Variants in NELL2 observed in about 807,000 individuals in gnomAD.
The protein encoded by NELL2 is neural EGFL like 2, also known as protein kinase C-binding protein NELL2.
In NELL2, 41 loss-of-function variants were observed where a neutral mutation model predicts 109.6. That is an observed-to-expected ratio of 0.37 (90% CI 0.29 to 0.49). The LOEUF (loss-of-function observed/expected upper bound fraction) is 0.49, where lower values mean the gene tolerates loss of function less well. Ranked by LOEUF, NELL2 falls within the 20% of genes least tolerant of loss-of-function variation. The pLI is 0.98. For missense variants in NELL2, 900 were observed against 1,008.3 expected (o/e 0.89, Z 1.45); for synonymous variants, 355 against 344.7 (o/e 1.03, Z -0.33).
chr12:44,581,000 C>T (rs904614718), intron 15 of NELL2, among the ~76,000 whole-genome samples: 3 of 152,060 alleles, frequency 2.0e-5, no homozygotes, highest in South Asian at 2.1e-4. Context: ...CATTTTGAGA[C>T]GAACTTTTTT....
chr12:44,865,474 T>C (rs1422388237), intron 2 of NELL2, among the ~76,000 whole-genome samples: 9 of 95,924 alleles, frequency 9.4e-5, no homozygotes, highest in African/African-American at 3.4e-4. Context: ...CATGGAATAC[T>C]ATGCAGCCAT....
At chr12:44,627,373 C>A (rs1946302427) in intron 13 of NELL2, among the ~76,000 whole-genome samples, 2 of 151,288 alleles carry the variant, frequency 1.3e-5, no homozygotes, top group South Asian at 4.2e-4. Flanking sequence ...AATCAAGAAT[C>A]TATTCTCATT....
At chr12:44,611,297 T>C (rs1444598903) in intron 13 of NELL2, among the ~76,000 whole-genome samples, 2 of 152,026 alleles carry the variant, frequency 1.3e-5, no homozygotes, top group African/African-American at 4.8e-5. Flanking sequence ...ATTTGGGGAG[T>C]TACTCTCATG....
intron 16 of NELL2, among the ~76,000 whole-genome samples, chr12:44,530,281 G>A (rs973269125): frequency 6.6e-6 from 1 of 152,180 alleles, no homozygotes; most frequent in Non-Finnish European, 1.5e-5. Context: ...AAGTAGGCAG[G>A]CCACTGACAG....
intron 9 of NELL2, among the ~76,000 whole-genome samples, chr12:44,720,815 G>C (rs1254004720): frequency 1.3e-5 from 2 of 152,292 alleles, no homozygotes; most frequent in Middle Eastern, 3.4e-3. Flanking sequence ...GTGAGATCTT[G>C]ATAGTAGTTA....
intron 3 of NELL2, among the ~76,000 whole-genome samples, chr12:44,787,686 G>A (rs1290860898): frequency 6.6e-6 from 1 of 151,786 alleles, no homozygotes; most frequent in Admixed American, 6.6e-5. Context: ...AAAGAGCAAA[G>A]GTAATCCAAT....
intron 15 of NELL2, among the ~76,000 whole-genome samples, chr12:44,562,758 G>A (rs2136184341): frequency 6.6e-6 from 1 of 152,336 alleles, no homozygotes; most frequent in East Asian, 1.9e-4. Flanking sequence ...AGGCCATGTG[G>A]CAATTCCTGA....
rs1195577041 is a variant in NELL2, at chr12:44,774,744, C to T, written c.994+3G>A. 3 of 1,609,138 alleles carry T rather than the reference C, an allele frequency of 1.9e-6. No individual in the cohort carries two copies. Among genetic ancestry groups the T allele is most frequent in the African/African-American group, 2.7e-5 (2 of 74,804 alleles). On this transcript the variant is annotated splice_donor_region_variant and intron_variant, in intron 9 of 19. Transcript: ENST00000429094. ...AAGTATTCATCATAAAAGTTATGCTCACATTTGCATTCCTTACAGCATTTG... is the reference window on the plus strand; with the variant it reads ...AAGTATTCATCATAAAAGTTATGCTTACATTTGCATTCCTTACAGCATTTG...
At chr12:44,872,334 C>T (rs1945187621) in intron 2 of NELL2, among the ~76,000 whole-genome samples, 1 of 152,080 alleles carries the variant, frequency 6.6e-6, no homozygotes, top group Non-Finnish European at 1.5e-5. Flanking sequence ...AAGGTGTAAT[C>T]TAATTTAGCA....
chr12:44,750,012 C>T (rs188092991), intron 9 of NELL2, among the ~76,000 whole-genome samples: 22 of 151,666 alleles, frequency 1.5e-4, no homozygotes, highest in Middle Eastern at 3.4e-3. Flanking sequence ...GTATATATAT[C>T]AAGATATATA....
chr12:44,823,140 T>C (rs1250256842), intron 2 of NELL2, among the ~76,000 whole-genome samples: 1 of 152,184 alleles, frequency 6.6e-6, no homozygotes, highest in Non-Finnish European at 1.5e-5. Flanking sequence ...CAAATTAAAA[T>C]TGTATATATT....
In NELL2 at chr12:44,514,609, T is replaced by C. The variant is rs58352888; in HGVS notation, c.2400+5396A>G. 4.3e-3 allele frequency among the ~76,000 whole-genome samples: 658 copies of C among 151,762 alleles called. 7 individuals carry two copies. The highest frequency in any genetic ancestry group is 0.015 in the African/African-American group (624 of 41,524). On this transcript the variant is annotated intron_variant, in intron 19 of 19. Transcript: ENST00000429094. ...ATTGTAGGTATGTATAGAAAAAACA[T>C]AGTATATATAGTGTTTAATAAGGTT...
intron 2 of NELL2, among the ~76,000 whole-genome samples, chr12:44,821,897 AT>A: frequency 6.8e-6 from 1 of 146,690 alleles, no homozygotes; most frequent in Admixed American, 6.8e-5. Context: ...TTATTTATTT[AT>A]TTATTTATTT....
At chr12:44,870,139 A>G (rs1945121411) in intron 2 of NELL2, among the ~76,000 whole-genome samples, 1 of 152,188 alleles carries the variant, frequency 6.6e-6, no homozygotes, top group Admixed American at 6.5e-5. Flanking sequence ...TGAGCCCTCA[A>G]TGGCAGTTCC....
At position 44,791,097 on chromosome 12, in the gene NELL2, G is replaced by GTATATATATATATGTATATATATATGTA; in HGVS notation, c.336-11076_336-11075insTACATATATATATACATATATATATATA. 2.4e-3 allele frequency among the ~76,000 whole-genome samples: 91 copies of GTATATATATATATGTATATATATATGTA among 38,494 alleles called. 1 individual carries two copies. Among genetic ancestry groups the GTATATATATATATGTATATATATATGTA allele is most frequent in the African/African-American group, 8.8e-3 (85 of 9,642 alleles). The allele number at this position is 38,494 out of a possible 152,430, so 25.3% of individuals were successfully genotyped here. Reference sequence around the variant, plus strand: ...TATATATATACATATATATATATATGTATATATATATGTATATATATATGT... The same window carrying GTATATATATATATGTATATATATATGTA: ...TATATATATACATATATATATATATGTATATATATATATGTATATATATATGTATATATATATATGTATATATATATGT... On this transcript the variant is annotated intron_variant, in intron 3 of 19. Transcript: ENST00000429094.
intron 2 of NELL2, among the ~76,000 whole-genome samples, chr12:44,818,430 G>A (rs1177301815): frequency 6.6e-6 from 1 of 152,206 alleles, no homozygotes; most frequent in Non-Finnish European, 1.5e-5. Flanking sequence ...GGGTGCAAAT[G>A]AGAGAAATGG....
chr12:44,840,143 C>G (rs1944179642), intron 2 of NELL2, among the ~76,000 whole-genome samples: 1 of 151,930 alleles, frequency 6.6e-6, no homozygotes, highest in Non-Finnish European at 1.5e-5. Flanking sequence ...CCTGTCAAAA[C>G]CTAAATGCTT....
chr12:44,772,025 G>A (rs886546329), intron 9 of NELL2, among the ~76,000 whole-genome samples: 3 of 152,134 alleles, frequency 2.0e-5, no homozygotes, highest in African/African-American at 7.2e-5. Context: ...ATCTCTTTAA[G>A]CTGTTTTCAA....
At chr12:44,885,272 A>C (rs1945457685) in intron 1 of NELL2, among the ~76,000 whole-genome samples, 1 of 151,930 alleles carries the variant, frequency 6.6e-6, no homozygotes, top group African/African-American at 2.4e-5. Flanking sequence ...AAGCAAGATT[A>C]TGTTTCAGAA....
Sources: allele counts gnomAD v4.1 joint callset (sites outside exome capture counted in the v4.1 genomes callset), GRCh38; gene constraint gnomAD v4.1.1; transcripts MANE v1.5; gene names NCBI Gene and HGNC (gene_info 2026-07-23, HGNC 2026-07-21).